COMMD1: variants seen among roughly 807,000 people sequenced by gnomAD.
COMMD1 encodes the protein COMM domain-containing protein 1.
A neutral mutation model predicts 17.2 loss-of-function variants in COMMD1; 10 were observed. The ratio of observed to expected loss-of-function variants is 0.58; its 90% CI spans 0.36 to 0.99. COMMD1 has a LOEUF of 0.99. COMMD1 is among the 50% of genes least tolerant of loss of function. COMMD1 has a pLI of 0.01. For synonymous variants in COMMD1, 97 were observed against 91.6 expected (o/e 1.06, Z -0.34); for missense variants, 270 against 231.8 (o/e 1.17, Z -1.07).
At chr2:61,911,222 C>G (rs1465637787) in intron 1 of COMMD1, among the ~76,000 whole-genome samples, 2 of 151,946 alleles carry the variant, frequency 1.3e-5, no homozygotes, top group Non-Finnish European at 2.9e-5. Flanking sequence ...GCCTGTAATC[C>G]CAGCACTTTG....
intron 1 of COMMD1, among the ~76,000 whole-genome samples, chr2:61,943,651 A>G (rs2103644528): frequency 6.6e-6 from 1 of 152,216 alleles, no homozygotes; most frequent in South Asian, 2.1e-4. Flanking sequence ...CCTGGCCAAT[A>G]TGGTGAAAAC....
intron 1 of COMMD1, among the ~76,000 whole-genome samples, chr2:61,941,113 C>T (rs957591022): frequency 2.0e-5 from 3 of 151,930 alleles, no homozygotes; most frequent in Admixed American, 1.3e-4. Context: ...CTGCAACCTC[C>T]GACTCCCGGG....
intron 2 of COMMD1, among the ~76,000 whole-genome samples, chr2:62,045,597 T>A (rs1670359716): frequency 6.6e-6 from 1 of 151,638 alleles, no homozygotes; most frequent in Non-Finnish European, 1.5e-5. Context: ...AGACAGGGTT[T>A]CACTATGTTG....
chr2:61,949,545 C>T (rs1482356493), intron 1 of COMMD1, among the ~76,000 whole-genome samples: 2 of 152,146 alleles, frequency 1.3e-5, no homozygotes, highest in Non-Finnish European at 2.9e-5. Context: ...AAGATGGAGC[C>T]TCTGTTCCAA....
At chr2:62,072,432 AG>A (rs1671222097) in intron 2 of COMMD1, among the ~76,000 whole-genome samples, 2 of 152,284 alleles carry the variant, frequency 1.3e-5, no homozygotes, top group South Asian at 4.1e-4. Context: ...GCCTTCAGGT[AG>A]GGGTTACCCA....
chr2:61,997,206 C>T (rs568618570), intron 1 of COMMD1, among the ~76,000 whole-genome samples: 17 of 152,020 alleles, frequency 1.1e-4, no homozygotes, highest in African/African-American at 3.6e-4. Flanking sequence ...ACCACAGATG[C>T]GTACTACCCC....
chr2:62,103,396 T>G (rs1316446356), intron 2 of COMMD1, among the ~76,000 whole-genome samples: 1 of 152,230 alleles, frequency 6.6e-6, no homozygotes, highest in African/African-American at 2.4e-5. Flanking sequence ...TTAAATAGAT[T>G]TGTCTGCCTT....
chr2:61,991,190 A>G (rs1388464913), intron 1 of COMMD1, among the ~76,000 whole-genome samples: 1 of 152,044 alleles, frequency 6.6e-6, no homozygotes, highest in Admixed American at 6.6e-5. Flanking sequence ...TTTGGCTCTG[A>G]GCCCCTTGCT....
intron 1 of COMMD1, among the ~76,000 whole-genome samples, chr2:61,941,661 AG>A (rs1670751234): frequency 6.6e-6 from 1 of 152,340 alleles, no homozygotes; most frequent in South Asian, 2.1e-4. Flanking sequence ...TTGTTGTCTC[AG>A]GAATAACTTT....
chr2:61,960,169 A>C (rs1411213872), intron 1 of COMMD1, among the ~76,000 whole-genome samples: 1 of 152,138 alleles, frequency 6.6e-6, no homozygotes, highest in East Asian at 1.9e-4. Flanking sequence ...GCAATCTTAT[A>C]GTAAGAAATT....
chr2:62,025,144 C>T (rs957629912), intron 2 of COMMD1, among the ~76,000 whole-genome samples: 7 of 151,840 alleles, frequency 4.6e-5, no homozygotes, highest in Non-Finnish European at 8.8e-5. Flanking sequence ...CGCTTCAACC[C>T]GGGAGGTGGA....
chr2:61,986,029 T>C (rs1251320752), intron 1 of COMMD1, among the ~76,000 whole-genome samples: 10 of 152,204 alleles, frequency 6.6e-5, no homozygotes, highest in Admixed American at 6.5e-4. Flanking sequence ...GACTGAAGAA[T>C]TCCCTTTAGC....
intron 2 of COMMD1, among the ~76,000 whole-genome samples, chr2:62,019,164 T>G (rs1050768337): frequency 9.7e-5 from 13 of 134,696 alleles, no homozygotes; most frequent in African/African-American, 3.5e-4. Flanking sequence ...TTCTCTTTCC[T>G]CCTTTCTCTT....
At chr2:62,134,913 T>A (rs12713455) in intron 2 of COMMD1, among the ~76,000 whole-genome samples, 40,957 of 152,070 alleles carry the variant, frequency 0.27, 5,723 homozygotes, top group Admixed American at 0.32. Flanking sequence ...ATGTTTGTTG[T>A]TATTTCAAGA....
intron 1 of COMMD1, among the ~76,000 whole-genome samples, chr2:61,920,170 C>G (rs1670151808): frequency 1.3e-5 from 2 of 152,098 alleles, no homozygotes. Flanking sequence ...TCCACAGGCT[C>G]AGGAATATTC....
chr2:62,134,596 T>C (rs1246946485), intron 2 of COMMD1, among the ~76,000 whole-genome samples: 1 of 144,488 alleles, frequency 6.9e-6, no homozygotes. Flanking sequence ...CCTACCCCCA[T>C]CTCTACAAAA....
intron 1 of COMMD1, among the ~76,000 whole-genome samples, chr2:61,955,035 T>C (rs917494335): frequency 1.3e-5 from 2 of 152,248 alleles, no homozygotes; most frequent in African/African-American, 4.8e-5. Flanking sequence ...TAGCTACTTG[T>C]CATGTGACTT....
chr2:62,066,801 C>T (rs1313457787), intron 2 of COMMD1, among the ~76,000 whole-genome samples: 8 of 152,082 alleles, frequency 5.3e-5, no homozygotes, highest in Non-Finnish European at 1.0e-4. Context: ...TTGCGGCTCA[C>T]TGCAACCTCC....
At chr2:61,955,259 C>T (rs1171456200) in intron 1 of COMMD1, among the ~76,000 whole-genome samples, 1 of 151,888 alleles carries the variant, frequency 6.6e-6, no homozygotes, top group African/African-American at 2.4e-5. Flanking sequence ...AAGGCTGAGG[C>T]AGGAGGATTG....
Sources: gnomAD v4.1 joint callset for allele counts (sites outside exome capture counted in the v4.1 genomes callset) on GRCh38, gnomAD v4.1.1 for gene constraint, MANE v1.5 for transcripts, NCBI Gene and HGNC (gene_info 2026-07-23, HGNC 2026-07-21) for gene names.